Variants in USP25 observed in about 807,000 individuals in gnomAD.
USP25 encodes ubiquitin carboxyl-terminal hydrolase 25.
Under a neutral mutation model 158.5 loss-of-function variants are expected in USP25, and 85 were observed. The observed-to-expected ratio is 0.54, with a 90% CI of 0.45 to 0.64. The LOEUF is 0.64. Ranked by LOEUF, USP25 falls within the 30% of genes least tolerant of loss-of-function variation. The probability of loss-of-function intolerance (pLI) is 0.00; values close to 1 mark genes in which losing one functional copy is unlikely to be tolerated. For synonymous variants in USP25, 464 were observed against 460.4 expected (o/e 1.01, Z -0.10); for missense variants, 1,242 against 1,327.3 (o/e 0.94, Z 1.00).
chr21:15,747,765 G>A lies in USP25; in HGVS notation c.46-15126G>A, dbSNP rs144476379. Among the ~76,000 whole-genome samples the A allele has an allele frequency of 2.8e-3, 419 of 152,210 alleles. 3 individuals are homozygous for A. The highest frequency in any genetic ancestry group is 9.7e-3 in the African/African-American group (404 of 41,542). On this transcript the variant is annotated intron_variant, in intron 1 of 25. Coordinates refer to ENST00000400183, the MANE Select transcript of USP25 (RefSeq NM_001283041.3). ...TTTCATTATGCACAGCACTCAGTCA[G>A]AATAGTGCACAATTTAAAACATCGT...
At position 15,830,582 on chromosome 21, in the gene USP25, C is replaced by T. The variant is rs982831126; in HGVS notation, c.1745C>T (p.Ser582Phe). ...RIHRTIELMY[S>F]DKSMIQVPYR... The stretch of plus-strand genomic sequence containing the variant: ...CATCGAACAATTGAATTAATGTACT[C>T]TGACAAATCTATGATACAAGTAAGT... Residue 582 changes from serine to phenylalanine, a missense_variant, in exon 15 of 26, where the codon TCT becomes TTT. Ser to Phe is a radical substitution (Grantham distance 155, BLOSUM62 -2). This residue lies in a region of USP25 where 627 missense variants were observed against 701.4 expected (regional missense o/e 0.89). Transcript: ENST00000400183. The T allele has an allele frequency of 6.3e-7, 1 of 1,599,070 alleles. No homozygotes were observed. The highest frequency in any genetic ancestry group is 8.5e-7 in the Non-Finnish European group (1 of 1,173,316).
At position 15,843,106 on chromosome 21, in the gene USP25, A is replaced by C. The variant is rs1240221304; in HGVS notation, c.2337+566A>C. On this transcript the variant is annotated intron_variant, in intron 18 of 25. Transcript: ENST00000400183. The surrounding 1 kb of genome is among the most constrained non-coding windows in gnomAD (Gnocchi z 4.0). ...AAACGTCATTAGGCTACTCTATTGTAGTTTTCAACTACATCTTTTTATAGC... is the reference window on the plus strand; with the variant it reads ...AAACGTCATTAGGCTACTCTATTGTCGTTTTCAACTACATCTTTTTATAGC... Among the ~76,000 whole-genome samples the C allele has an allele frequency of 2.0e-5, 3 of 151,822 alleles. No homozygotes were observed. Among genetic ancestry groups the C allele is most frequent in the Non-Finnish European group, 4.4e-5 (3 of 68,028 alleles).
intron 1 of USP25, among the ~76,000 whole-genome samples, chr21:15,739,252 T>A (rs2031814470): frequency 6.6e-6 from 1 of 152,222 alleles, no homozygotes; most frequent in Admixed American, 6.5e-5. Flanking sequence ...GAGTATTTTT[T>A]TGTTCTTGCT....
At chr21:15,820,731 C>G (rs1414552762) in intron 10 of USP25, among the ~76,000 whole-genome samples, 3 of 151,928 alleles carry the variant, frequency 2.0e-5, no homozygotes, top group Non-Finnish European at 4.4e-5. Flanking sequence ...ACATTACAGA[C>G]TATTTCTAAA....
intron 17 of USP25, among the ~76,000 whole-genome samples, chr21:15,841,406 C>T (rs1252853613): frequency 6.6e-6 from 1 of 152,134 alleles, no homozygotes; most frequent in Non-Finnish European, 1.5e-5. Flanking sequence ...TTAAAAACTG[C>T]TATGTTGCCA....
intron 4 of USP25, among the ~76,000 whole-genome samples, chr21:15,788,416 G>A (rs2035413991): frequency 6.6e-6 from 1 of 152,108 alleles, no homozygotes; most frequent in Non-Finnish European, 1.5e-5. Flanking sequence ...TAACCAAGAA[G>A]TAGCAGCATT....
intron 5 of USP25, among the ~76,000 whole-genome samples, chr21:15,798,569 CTG>C (rs2035975159): frequency 6.6e-6 from 1 of 151,266 alleles, no homozygotes; most frequent in African/African-American, 2.4e-5. Context: ...AGTCACAAGA[CTG>C]TAATCCCTAC....
Position 15,766,272 on chromosome 21 carries a change from A to AC in USP25, c.268+131_268+132insC. On this transcript the variant is annotated intron_variant, in intron 3 of 25. Transcript: ENST00000400183. The surrounding 1 kb of genome is among the most constrained non-coding windows in gnomAD (Gnocchi z 4.0). ...AACTCTATTAACCTTGGTTCTTTTTAATGTAGTTGAAAGGAACATACATTA... is the reference window on the plus strand; with the variant it reads ...AACTCTATTAACCTTGGTTCTTTTTACATGTAGTTGAAAGGAACATACATTA... 1.4e-6 allele frequency: 1 copy of AC among 719,832 alleles called. No homozygotes were observed. Among genetic ancestry groups the AC allele is most frequent in the Non-Finnish European group, 2.0e-6 (1 of 495,946 alleles). 44.6% of individuals were successfully genotyped at this position (719,832 alleles called of 1,614,324 possible). A position where few individuals can be genotyped will look rare whatever the true frequency, so the allele number is the denominator to read the frequency against.
rs76186194 is a variant in USP25, at chr21:15,736,914, C to CT, written c.45+6489dup. Among the ~76,000 whole-genome samples the CT allele has an allele frequency of 4.5e-3, 558 of 125,360 alleles. 1 individual carries two copies. Among genetic ancestry groups the CT allele is most frequent in the South Asian group, 9.1e-3 (37 of 4,044 alleles). The allele number at this position is 125,360 out of a possible 152,430, so 82.2% of individuals were successfully genotyped here. A position where few individuals can be genotyped will look rare whatever the true frequency, so the allele number is the denominator to read the frequency against. On this transcript the variant is annotated intron_variant, in intron 1 of 25. Coordinates refer to ENST00000400183, the MANE Select transcript of USP25 (RefSeq NM_001283041.3). ...TTTTTGATGGTTTGATGCCACTCTG[C>CT]TTTTTTTTTTTTTCCAGATAAGTTA...
chr21:15,832,643 GTT>G (rs1015386446), intron 16 of USP25, among the ~76,000 whole-genome samples: 40 of 152,014 alleles, frequency 2.6e-4, no homozygotes, highest in African/African-American at 9.4e-4. Flanking sequence ...TTTGTGAAAA[GTT>G]TTACTTTTTA....
At chr21:15,870,932 A>G (rs966142996) in intron 23 of USP25, among the ~76,000 whole-genome samples, 6 of 152,206 alleles carry the variant, frequency 3.9e-5, no homozygotes, top group Admixed American at 1.3e-4. Context: ...CACCTGACAA[A>G]ACTTAAATAA....
intron 1 of USP25, among the ~76,000 whole-genome samples, chr21:15,741,037 C>T (rs752627656): frequency 1.3e-4 from 20 of 152,108 alleles, no homozygotes; most frequent in Admixed American, 2.6e-4. Flanking sequence ...TAATTATCAA[C>T]ACCGTCATTA....
At chr21:15,789,894 C>G (rs566414483) in intron 4 of USP25, among the ~76,000 whole-genome samples, 1 of 152,092 alleles carries the variant, frequency 6.6e-6, no homozygotes, top group South Asian at 2.1e-4. Context: ...ATTACAGTTA[C>G]TTTTTATATA....
In USP25 at chr21:15,791,576, G is replaced by A. The variant is rs1349812376; in HGVS notation, c.467G>A (p.Arg156Gln). ...CCTACAGAAGTTTGGAGGGATTCTC[G>A]AAACCCTTATGATAGAAAAAGACAG... ...RTPTEVWRDS[R>Q]NPYDRKRQDK... Residue 156 changes from arginine to glutamine, a missense_variant, in exon 5 of 26, where the codon CGA becomes CAA. Arg to Gln is a conservative substitution (Grantham distance 43, BLOSUM62 1). Transcript: ENST00000400183. 6 of 1,611,624 alleles carry A rather than the reference G, an allele frequency of 3.7e-6. No individual in the cohort carries two copies. Among genetic ancestry groups the A allele is most frequent in the African/African-American group, 2.7e-5 (2 of 74,722 alleles).
intron 3 of USP25, among the ~76,000 whole-genome samples, chr21:15,776,237 A>T (rs756320495): frequency 6.6e-6 from 1 of 152,060 alleles, no homozygotes; most frequent in Admixed American, 6.6e-5. Context: ...CACCATTTCA[A>T]TTACTATGCT....
chr21:15,797,733 C>A (rs1387603850), intron 5 of USP25, among the ~76,000 whole-genome samples: 1 of 151,120 alleles, frequency 6.6e-6, no homozygotes, highest in Admixed American at 6.6e-5. Context: ...GGTTTGTCTC[C>A]CCTACTTAAC....
intron 21 of USP25, among the ~76,000 whole-genome samples, chr21:15,865,914 G>A (rs1402513830): frequency 6.6e-6 from 1 of 151,990 alleles, no homozygotes; most frequent in Non-Finnish European, 1.5e-5. Context: ...ATACCATGTG[G>A]GGGGAAAAGA....
At chr21:15,761,383 AAAT>A (rs1476154710) in intron 1 of USP25, among the ~76,000 whole-genome samples, 1 of 152,170 alleles carries the variant, frequency 6.6e-6, no homozygotes, top group East Asian at 1.9e-4. Flanking sequence ...CATCTCTCTG[AAAT>A]AATAATTGGT....
At chr21:15,781,147 G>T (rs1198603299) in intron 4 of USP25, among the ~76,000 whole-genome samples, 1 of 152,184 alleles carries the variant, frequency 6.6e-6, no homozygotes, top group South Asian at 2.1e-4. Context: ...TCAACTGGTC[G>T]ATGTAGTCAG....
Sources: gnomAD v4.1 joint callset for allele counts (sites outside exome capture counted in the v4.1 genomes callset) on GRCh38, gnomAD v4.1.1 for gene constraint, gnomAD v4.1.1 regional missense constraint, Gnocchi (gnomAD v3.1) non-coding constraint, MANE v1.5 for transcripts, NCBI Gene and HGNC (gene_info 2026-07-23, HGNC 2026-07-21) for gene names.